Variants in LPP observed in about 807,000 individuals in gnomAD.
LPP encodes the protein lipoma-preferred partner.
A neutral mutation model predicts 60.4 loss-of-function variants in LPP; 38 were observed. The ratio of observed to expected loss-of-function variants is 0.63; its 90% CI spans 0.49 to 0.83. The LOEUF (loss-of-function observed/expected upper bound fraction) is 0.83, where lower values mean the gene tolerates loss of function less well. LPP is among the 40% of genes least tolerant of loss of function. LPP has a pLI of 0.00. For synonymous variants in LPP, 328 were observed against 290.8 expected, an observed-to-expected ratio of 1.13 and a Z score of -1.30; for missense variants, 902 against 783.6, an observed-to-expected ratio of 1.15 and a Z score of -1.80.
intron 1 of LPP, among the ~76,000 whole-genome samples, chr3:188,222,448 T>C (rs1050987252): frequency 2.0e-5 from 3 of 152,152 alleles, no homozygotes; most frequent in Admixed American, 6.6e-5. Context: ...CAGGAAATGG[T>C]TGCATACACC....
In LPP at chr3:188,804,246, TATATATATATATATATATA is replaced by T. The variant is rs1560226947; in HGVS notation, c.1410+43965_1410+43983del. 8.8e-3 allele frequency among the ~76,000 whole-genome samples: 491 copies of T among 55,618 alleles called. 19 individuals carry two copies. The highest frequency in any genetic ancestry group is 0.029 in the African/African-American group (448 of 15,334). 36.5% of individuals were successfully genotyped at this position (55,618 alleles called of 152,430 possible). A position where few individuals can be genotyped will look rare whatever the true frequency, so the allele number is the denominator to read the frequency against. On this transcript the variant is annotated intron_variant, in intron 9 of 11. Coordinates refer to ENST00000617246, the MANE Select transcript of LPP (RefSeq NM_001375462.1). ...ATGTTTTCAATGTAGTGCATCTTTATATATATATATATATATATATATATATATATATATATAAAATGGA... is the reference window on the plus strand; with the variant it reads ...ATGTTTTCAATGTAGTGCATCTTTATTATATATATATATATATAAAATGGA...
chr3:188,187,332 A>C (rs898720037), intron 1 of LPP, among the ~76,000 whole-genome samples: 10 of 152,140 alleles, frequency 6.6e-5, no homozygotes, highest in African/African-American at 2.4e-4. Context: ...ACCACCTTTA[A>C]GCCACTTATA....
chr3:188,181,583 C>A (rs1217241548), intron 1 of LPP, among the ~76,000 whole-genome samples: 1 of 152,166 alleles, frequency 6.6e-6, no homozygotes, highest in South Asian at 2.1e-4. Flanking sequence ...ATTCTTTTAA[C>A]TATAGAAAAA....
intron 7 of LPP, among the ~76,000 whole-genome samples, chr3:188,678,589 C>T (rs955351368): frequency 1.3e-5 from 2 of 152,144 alleles, no homozygotes; most frequent in Non-Finnish European, 2.9e-5. Context: ...TTTCTGATTC[C>T]AAACTTTATA....
intron 6 of LPP, among the ~76,000 whole-genome samples, chr3:188,547,087 G>C (rs1375596631): frequency 6.6e-6 from 1 of 152,170 alleles, no homozygotes; most frequent in South Asian, 2.1e-4. Context: ...TTCTCCTGGA[G>C]AGGTCAGAGG....
intron 8 of LPP, among the ~76,000 whole-genome samples, chr3:188,735,996 G>T (rs752066632): frequency 1.4e-4 from 21 of 152,152 alleles, no homozygotes; most frequent in Non-Finnish European, 2.8e-4. Flanking sequence ...TCTCCTAGAA[G>T]TTTAAACTAT....
rs977629246 is a variant in LPP, at chr3:188,760,194, G to T, written c.1322G>T (p.Cys441Phe). ...TAMDQVFHVD[C>F]FTCIICNNKL... Reference sequence around the variant, plus strand: ...ATGGATCAGGTCTTCCACGTGGATTGTTTTACCTGCATCATCTGCAACAAC... The same window carrying T: ...ATGGATCAGGTCTTCCACGTGGATTTTTTTACCTGCATCATCTGCAACAAC... The change falls in exon 9 of 12, where the codon TGT (cysteine) becomes TTT (phenylalanine). Residue 441 changes from cysteine to phenylalanine, a missense_variant. Physicochemically the swap from Cys to Phe is radical, Grantham distance 205 (BLOSUM62 -2). Coordinates refer to ENST00000617246, the MANE Select transcript of LPP (RefSeq NM_001375462.1). 1.2e-6 allele frequency: 2 copies of T among 1,614,092 alleles called. No homozygotes were observed.
intron 3 of LPP, among the ~76,000 whole-genome samples, chr3:188,365,909 C>T (rs1004458391): frequency 3.4e-4 from 51 of 152,062 alleles, no homozygotes; most frequent in African/African-American, 1.1e-3. Flanking sequence ...GTGGTGAGAA[C>T]GTTTAAGATT....
intron 2 of LPP, among the ~76,000 whole-genome samples, chr3:188,265,697 A>T (rs1357696140): frequency 2.0e-5 from 3 of 152,192 alleles, no homozygotes; most frequent in African/African-American, 7.2e-5. Flanking sequence ...TAGCAGAGAC[A>T]TGAAAATATC....
chr3:188,654,781 A>G (rs1852805815), intron 7 of LPP, among the ~76,000 whole-genome samples: 1 of 152,224 alleles, frequency 6.6e-6, no homozygotes, highest in South Asian at 2.1e-4. Flanking sequence ...CTGCAAGTAC[A>G]AGAATCCTTT....
intron 9 of LPP, among the ~76,000 whole-genome samples, chr3:188,846,901 G>A (rs927369494): frequency 1.3e-5 from 2 of 152,112 alleles, no homozygotes; most frequent in East Asian, 3.9e-4. Context: ...GAACTTGCCT[G>A]TGTCTTCGAA....
At chr3:188,559,646 C>CT (rs1830236127) in intron 6 of LPP, among the ~76,000 whole-genome samples, 1 of 152,138 alleles carries the variant, frequency 6.6e-6, no homozygotes, top group South Asian at 2.1e-4. Context: ...GTTAGCCCCT[C>CT]TGTCCGAGTC....
Position 188,884,973 on chromosome 3 carries a change from A to G in LPP, c.*10494A>G, listed in dbSNP as rs1039603260. ...GGATGCTGTCATTTTGTGATTTTTT[A>G]TAATTACAAGGAATTTGGTACCATG... On this transcript the variant is annotated 3_prime_UTR_variant, in exon 12 of 12. Transcript: ENST00000617246. 4.7e-6 allele frequency: 1 copy of G among 214,896 alleles called. No individual in the cohort carries two copies. Among genetic ancestry groups the G allele is most frequent in the East Asian group, 6.9e-5 (1 of 14,496 alleles). 13.3% of individuals were successfully genotyped at this position (214,896 alleles called of 1,614,324 possible). A position where few individuals can be genotyped will look rare whatever the true frequency, so the allele number is the denominator to read the frequency against.
chr3:188,571,769 T>C (rs1398818654), intron 6 of LPP, among the ~76,000 whole-genome samples: 2 of 152,122 alleles, frequency 1.3e-5, no homozygotes, highest in African/African-American at 4.8e-5. Flanking sequence ...AACAGGAAGC[T>C]TAATCTCTCC....
chr3:188,690,926 G>T (rs1243213540), intron 7 of LPP, among the ~76,000 whole-genome samples: 2 of 151,974 alleles, frequency 1.3e-5, no homozygotes, highest in African/African-American at 2.4e-5. Context: ...GTAATTATGG[G>T]TTATCTCTCA....
At chr3:188,462,599 T>C (rs1434952300) in intron 4 of LPP, among the ~76,000 whole-genome samples, 9 of 96,852 alleles carry the variant, frequency 9.3e-5, no homozygotes, top group Admixed American at 2.9e-4. Flanking sequence ...TGTGTGTGTG[T>C]GTGTGTGTGT....
chr3:188,797,115 C>CCCT (rs4011849), intron 9 of LPP, among the ~76,000 whole-genome samples: 50,587 of 149,556 alleles, frequency 0.34, 9,284 homozygotes, highest in Non-Finnish European at 0.41. Flanking sequence ...AGCTCTTTTC[C>CCCT]CCTCCTCCTC....
At chr3:188,226,361 G>A (rs934873511) in intron 2 of LPP, among the ~76,000 whole-genome samples, 2 of 152,160 alleles carry the variant, frequency 1.3e-5, no homozygotes, top group Admixed American at 6.5e-5. Context: ...AATTTGCTTA[G>A]GCAAAGGGTG....
chr3:188,599,201 C>T (rs1293495309), intron 6 of LPP, among the ~76,000 whole-genome samples: 1 of 151,916 alleles, frequency 6.6e-6, no homozygotes, highest in Non-Finnish European at 1.5e-5. Flanking sequence ...TAAACAGGAG[C>T]CTTGGAGACC....
Sources: gnomAD v4.1 joint callset for allele counts (sites outside exome capture counted in the v4.1 genomes callset) on GRCh38, gnomAD v4.1.1 for gene constraint, MANE v1.5 for transcripts, NCBI Gene and HGNC (gene_info 2026-07-23, HGNC 2026-07-21) for gene names.